The following TNNI3K variants were observed in gnomAD, a reference collection of about 807,000 sequenced individuals.
TNNI3K encodes the protein serine/threonine-protein kinase TNNI3K.
Under a neutral mutation model 114.5 loss-of-function variants are expected in TNNI3K, and 140 were observed. The ratio of observed to expected loss-of-function variants is 1.22; its 90% CI spans 1.07 to 1.41. TNNI3K has a LOEUF of 1.41. Ranked by LOEUF, TNNI3K falls within the 40% of genes most tolerant of loss-of-function variation. The probability of loss-of-function intolerance (pLI) is 0.00; values close to 1 mark genes in which losing one functional copy is unlikely to be tolerated. For missense variants in TNNI3K, 1,125 were observed against 1,007.6 expected, an observed-to-expected ratio of 1.12 and a Z score of -1.58; for synonymous variants, 347 against 347.5, an observed-to-expected ratio of 1.00 and a Z score of 0.02.
chr1:74,503,740 A>G (rs1669752698), intron 23 of TNNI3K, among the ~76,000 whole-genome samples: 1 of 152,254 alleles, frequency 6.6e-6, no homozygotes, highest in African/African-American at 2.4e-5. Context: ...GATGCCTATC[A>G]GTTGCCTTTT....
chr1:74,475,613 A>G, intron 21 of TNNI3K: 1 of 717,226 alleles, frequency 1.4e-6, no homozygotes, highest in Non-Finnish European at 2.6e-6. Context: ...CCCACAGTGG[A>G]CATGACCTTT....
At chr1:74,241,227 C>T (rs1654182691) in intron 2 of TNNI3K, among the ~76,000 whole-genome samples, 2 of 152,152 alleles carry the variant, frequency 1.3e-5, no homozygotes, top group Non-Finnish European at 2.9e-5. Context: ...GTGAATAGTG[C>T]TGCAATAAAC....
intron 5 of TNNI3K, among the ~76,000 whole-genome samples, chr1:74,287,895 A>G (rs1657431220): frequency 6.6e-6 from 1 of 152,184 alleles, no homozygotes; most frequent in South Asian, 2.1e-4. Flanking sequence ...GTAAAAGGAC[A>G]ACAAATATTC....
intron 21 of TNNI3K, among the ~76,000 whole-genome samples, chr1:74,479,184 T>A (rs1036055711): frequency 6.6e-6 from 1 of 152,124 alleles, no homozygotes; most frequent in Non-Finnish European, 1.5e-5. Context: ...ATCACCATGG[T>A]TACCCACAGG....
chr1:74,314,047 A>T (rs507036), intron 5 of TNNI3K, among the ~76,000 whole-genome samples: 13 of 143,950 alleles, frequency 9.0e-5, no homozygotes, highest in African/African-American at 2.4e-4. Flanking sequence ...AAAGTTCATT[A>T]TATATATATA....
chr1:74,341,108 A>C (rs1570487884), intron 7 of TNNI3K, among the ~76,000 whole-genome samples: 1 of 152,210 alleles, frequency 6.6e-6, no homozygotes, highest in East Asian at 1.9e-4. Flanking sequence ...ACAATAAAAC[A>C]AATGGCTTTA....
At chr1:74,446,707 T>A (rs1666703659) in intron 20 of TNNI3K, among the ~76,000 whole-genome samples, 1 of 145,412 alleles carries the variant, frequency 6.9e-6, no homozygotes, top group Non-Finnish European at 1.5e-5. Flanking sequence ...CATCTTGAAT[T>A]GATTTTTGTA....
At chr1:74,497,278 A>C (rs1209028524) in intron 23 of TNNI3K, among the ~76,000 whole-genome samples, 1 of 152,120 alleles carries the variant, frequency 6.6e-6, no homozygotes, top group Non-Finnish European at 1.5e-5. Flanking sequence ...GATGTTTACC[A>C]GATAACAGTG....
At chr1:74,438,343 T>C (rs373676021) in intron 19 of TNNI3K, among the ~76,000 whole-genome samples, 22 of 152,128 alleles carry the variant, frequency 1.4e-4, no homozygotes, top group Middle Eastern at 6.8e-3. Context: ...AAAGATATTA[T>C]TGGAAAGCTG....
chr1:74,285,858 C>T (rs1050287064), intron 5 of TNNI3K, among the ~76,000 whole-genome samples: 15 of 152,226 alleles, frequency 9.9e-5, no homozygotes, highest in African/African-American at 3.6e-4. Flanking sequence ...TCATGAATAA[C>T]TTCAAACAAA....
At chr1:74,417,408 T>A (rs1044973110) in intron 17 of TNNI3K, among the ~76,000 whole-genome samples, 2 of 152,118 alleles carry the variant, frequency 1.3e-5, no homozygotes, top group Non-Finnish European at 2.9e-5. Flanking sequence ...CAGATGACTT[T>A]GGCTCAAGAC....
At chr1:74,366,410 C>T (rs1343367282) in intron 11 of TNNI3K, among the ~76,000 whole-genome samples, 1 of 151,846 alleles carries the variant, frequency 6.6e-6, no homozygotes, top group South Asian at 2.1e-4. Context: ...AATCATAAGC[C>T]CCTAGTGTAA....
At chr1:74,425,833 TCA>T (rs1665612119) in intron 17 of TNNI3K, among the ~76,000 whole-genome samples, 1 of 152,010 alleles carries the variant, frequency 6.6e-6, no homozygotes, top group African/African-American at 2.4e-5. Context: ...CTGGGGACAG[TCA>T]CACAGCATTG....
At chr1:74,316,360 T>C (rs1250867143) in intron 5 of TNNI3K, among the ~76,000 whole-genome samples, 2 of 152,214 alleles carry the variant, frequency 1.3e-5, no homozygotes, top group Admixed American at 1.3e-4. Flanking sequence ...CTATGAGATA[T>C]GCCACTCTGC....
rs1440077813 is a variant in TNNI3K, at chr1:74,342,877, C to T, written c.718C>T (p.His240Tyr). The change falls in exon 8 of 25, where the codon CAT (histidine) becomes TAT (tyrosine). Residue 240 changes from histidine (H) to tyrosine (Y), a missense_variant. Transcript: ENST00000326637. Reference protein sequence around the residue: ...AQDNEDHVPLHFCSRFGHHDI... With the variant: ...AQDNEDHVPLYFCSRFGHHDI... ...AGATAATGAAGACCATGTCCCACTC[C>T]ATTTCTGTTCTCGATTTGGACACCA... The T allele has an allele frequency of 6.2e-7, 1 of 1,613,782 alleles. No homozygotes were observed. Among genetic ancestry groups the T allele is most frequent in the South Asian group, 1.1e-5 (1 of 91,060 alleles).
intron 21 of TNNI3K, among the ~76,000 whole-genome samples, chr1:74,484,540 C>A (rs759544976): frequency 1.3e-5 from 2 of 152,108 alleles, no homozygotes; most frequent in Non-Finnish European, 2.9e-5. Context: ...CGCATTGACT[C>A]GAGGGCTCTA....
chr1:74,409,293 A>C (rs965197926), intron 17 of TNNI3K, among the ~76,000 whole-genome samples: 1 of 152,126 alleles, frequency 6.6e-6, no homozygotes, highest in Admixed American at 6.6e-5. Flanking sequence ...CTGTTATGAC[A>C]AAGAGCCATC....
intron 21 of TNNI3K, among the ~76,000 whole-genome samples, chr1:74,472,999 C>T (rs1668011689): frequency 1.3e-5 from 2 of 152,058 alleles, no homozygotes; most frequent in South Asian, 4.1e-4. Context: ...TGGGGACAGA[C>T]CATATCTACA....
chr1:74,378,664 T>TCCC (rs1379691191), intron 17 of TNNI3K: 1 of 129,862 alleles, frequency 7.7e-6, no homozygotes, highest in Non-Finnish European at 1.6e-5. Context: ...CCTCAGCTAA[T>TCCC]CCCCAAGGGC....
Sources: gnomAD v4.1 joint callset for allele counts (sites outside exome capture counted in the v4.1 genomes callset) on GRCh38, gnomAD v4.1.1 for gene constraint, MANE v1.5 for transcripts, NCBI Gene and HGNC (gene_info 2026-07-23, HGNC 2026-07-21) for gene names.